The following TRPM3 variants were observed in gnomAD, a reference collection of about 807,000 sequenced individuals.
TRPM3 encodes the protein long transient receptor potential channel 3.
TRPM3 carries 77 observed loss-of-function variants against 181.2 expected under a neutral mutation model. The ratio of observed to expected loss-of-function variants is 0.42; its 90% CI spans 0.35 to 0.51. The LOEUF (loss-of-function observed/expected upper bound fraction) is 0.51, where lower values mean the gene tolerates loss of function less well. Among genes scored for constraint, TRPM3 ranks in the 20% least tolerant of loss-of-function variants. The pLI, the probability that TRPM3 is intolerant of heterozygous loss-of-function variation, is 0.01. For synonymous variants in TRPM3, 745 were observed against 796.4 expected, an observed-to-expected ratio of 0.94 and a Z score of 1.09; for missense variants, 1,759 against 2,196.7, an observed-to-expected ratio of 0.80 and a Z score of 3.98.
At chr9:70,660,545 G>A (rs952758232) in intron 9 of TRPM3, among the ~76,000 whole-genome samples, 14 of 151,992 alleles carry the variant, frequency 9.2e-5, no homozygotes, top group Non-Finnish European at 1.3e-4. Flanking sequence ...TAACTCCTCA[G>A]AACTTGCTAA....
intron 7 of TRPM3, among the ~76,000 whole-genome samples, chr9:70,772,572 C>A (rs963028520): frequency 6.6e-6 from 1 of 152,276 alleles, no homozygotes; most frequent in Middle Eastern, 3.4e-3. Flanking sequence ...ATCCACCTGC[C>A]TCGGCATCCC....
intron 1 of TRPM3, among the ~76,000 whole-genome samples, chr9:71,444,797 G>T (rs756342136): frequency 3.3e-5 from 5 of 152,110 alleles, no homozygotes; most frequent in African/African-American, 1.2e-4. Flanking sequence ...CACCATCTTA[G>T]CTCTAAGATT....
chr9:70,637,986 T>A (rs1328457019), intron 11 of TRPM3, among the ~76,000 whole-genome samples: 1 of 152,064 alleles, frequency 6.6e-6, no homozygotes, highest in East Asian at 1.9e-4. Context: ...TGCAAATGTA[T>A]CCCAGAACTT....
Position 70,533,957 on chromosome 9 carries a change from T to C in TRPM3, c.*1996A>G, listed in dbSNP as rs1378112061. On this transcript the variant is annotated 3_prime_UTR_variant, in exon 26 of 26. Coordinates refer to ENST00000677713, the MANE Select transcript of TRPM3 (RefSeq NM_001366145.2). ...ATTTACTTGATTTCACAAAATAAAG[T>C]AAAACTTGGTGTTTTCAATTATAAT... 5 of 152,244 alleles carry C rather than the reference T, an allele frequency of 3.3e-5. No individual in the cohort carries two copies. The highest frequency in any genetic ancestry group is 9.6e-5 in the African/African-American group (4 of 41,456). 9.4% of individuals were successfully genotyped at this position (152,244 alleles called of 1,614,324 possible). A position where few individuals can be genotyped will look rare whatever the true frequency, so the allele number is the denominator to read the frequency against.
intron 1 of TRPM3, among the ~76,000 whole-genome samples, chr9:71,299,771 G>A (rs1226419319): frequency 6.6e-6 from 1 of 151,874 alleles, no homozygotes; most frequent in African/African-American, 2.4e-5. Flanking sequence ...CCCTTAAAAT[G>A]GCCTTGTGCA....
chr9:71,083,414 A>G (rs1467818502), intron 1 of TRPM3, among the ~76,000 whole-genome samples: 4 of 152,018 alleles, frequency 2.6e-5, no homozygotes, highest in South Asian at 4.2e-4. Flanking sequence ...CCCAAGTCTG[A>G]CTGATTTGAA....
At chr9:70,788,921 A>G (rs962110924) in intron 6 of TRPM3, among the ~76,000 whole-genome samples, 1 of 152,168 alleles carries the variant, frequency 6.6e-6, no homozygotes, top group African/African-American at 2.4e-5. Flanking sequence ...GACTGTAAAT[A>G]CAGATGAAGC....
intron 19 of TRPM3, among the ~76,000 whole-genome samples, chr9:70,606,001 C>G (rs894017948): frequency 2.6e-5 from 4 of 152,220 alleles, no homozygotes; most frequent in African/African-American, 9.6e-5. Context: ...CATCTGTCCT[C>G]TGAATACAAG....
At chr9:70,738,175 C>G (rs1271872540) in intron 8 of TRPM3, among the ~76,000 whole-genome samples, 1 of 152,104 alleles carries the variant, frequency 6.6e-6, no homozygotes, top group East Asian at 1.9e-4. Context: ...CAACTACTCT[C>G]TCAGACCACA....
chr9:71,087,880 G>C (rs1255905740), intron 1 of TRPM3, among the ~76,000 whole-genome samples: 3 of 152,106 alleles, frequency 2.0e-5, no homozygotes, highest in African/African-American at 7.2e-5. Flanking sequence ...AAGCAATTAA[G>C]TATTAGAAGT....
chr9:71,108,676 G>C (rs1334601143), intron 1 of TRPM3, among the ~76,000 whole-genome samples: 1 of 152,204 alleles, frequency 6.6e-6, no homozygotes, highest in East Asian at 1.9e-4. Flanking sequence ...GTATAAAGTA[G>C]ATGGGCCAAG....
chr9:70,834,399 T>A (rs752461569), intron 5 of TRPM3, among the ~76,000 whole-genome samples: 1 of 152,136 alleles, frequency 6.6e-6, no homozygotes, highest in Non-Finnish European at 1.5e-5. Flanking sequence ...CTACTGGCAG[T>A]GGGAAAAGGC....
chr9:70,924,922 AAAGGAG>A (rs1397658085), intron 1 of TRPM3, among the ~76,000 whole-genome samples: 5 of 152,202 alleles, frequency 3.3e-5, no homozygotes, highest in Non-Finnish European at 4.4e-5. Flanking sequence ...AGGAGAAAGA[AAAGGAG>A]AAGGAGAAGA....
At chr9:70,567,058 C>T (rs2050790865) in intron 22 of TRPM3, among the ~76,000 whole-genome samples, 1 of 152,218 alleles carries the variant, frequency 6.6e-6, no homozygotes, top group South Asian at 2.1e-4. Context: ...TGCAGTTAAA[C>T]TCCTTAGTGG....
At chr9:71,228,769 A>G (rs1336693273) in intron 1 of TRPM3, among the ~76,000 whole-genome samples, 1 of 152,180 alleles carries the variant, frequency 6.6e-6, no homozygotes, top group Admixed American at 6.5e-5. Context: ...AAGAAGTAAA[A>G]GTTCTCTACA....
intron 8 of TRPM3, among the ~76,000 whole-genome samples, chr9:70,757,346 C>T (rs1364955713): frequency 6.6e-6 from 1 of 152,172 alleles, no homozygotes; most frequent in Non-Finnish European, 1.5e-5. Context: ...TAATTAATAG[C>T]CTACCAACCA....
At chr9:70,996,159 T>C (rs1437010422) in intron 1 of TRPM3, among the ~76,000 whole-genome samples, 2 of 152,200 alleles carry the variant, frequency 1.3e-5, no homozygotes, top group African/African-American at 4.8e-5. Context: ...ATGTGAATAA[T>C]CAATGATATC....
At chr9:71,290,591 C>A (rs1304384657) in intron 1 of TRPM3, among the ~76,000 whole-genome samples, 1 of 151,878 alleles carries the variant, frequency 6.6e-6, no homozygotes, top group Non-Finnish European at 1.5e-5. Context: ...TCAAAAGGAA[C>A]ATATAAAATT....
intron 1 of TRPM3, among the ~76,000 whole-genome samples, chr9:71,097,215 G>T (rs1472617077): frequency 6.6e-6 from 1 of 151,890 alleles, no homozygotes; most frequent in African/African-American, 2.4e-5. Flanking sequence ...AATAGAAATG[G>T]TTTGTAACTC....
Sources: allele counts gnomAD v4.1 joint callset (sites outside exome capture counted in the v4.1 genomes callset), GRCh38; gene constraint gnomAD v4.1.1; transcripts MANE v1.5; gene names NCBI Gene and HGNC (gene_info 2026-07-23, HGNC 2026-07-21).